ZFP30: variants seen among roughly 807,000 people sequenced by gnomAD.
ZFP30 encodes zinc finger protein 30 homolog.
Under a neutral mutation model 12.3 loss-of-function variants are expected in ZFP30, and 16 were observed. That is an observed-to-expected ratio of 1.30 (90% CI 0.88 to 1.98). The LOEUF (loss-of-function observed/expected upper bound fraction) is 1.98. ZFP30 is among the 30% of genes most tolerant of loss of function. ZFP30 has a pLI of 0.00. For synonymous variants in ZFP30, 172 were observed against 201.0 expected (o/e 0.86, Z 1.22); for missense variants, 560 against 611.2 (o/e 0.92, Z 0.88).
In ZFP30 at chr19:37,632,108, A is replaced by G. The variant is rs10407568; in HGVS notation, c.*2873T>C. 1 of 150,792 alleles carries G rather than the reference A, an allele frequency of 6.6e-6. No homozygotes were observed. The highest frequency in any genetic ancestry group is 1.5e-5 in the Non-Finnish European group (1 of 67,650). 9.3% of individuals were successfully genotyped at this position (150,792 alleles called of 1,614,324 possible). On this transcript the variant is annotated 3_prime_UTR_variant, in exon 6 of 6. Coordinates refer to ENST00000684514, the MANE Select transcript of ZFP30 (RefSeq NM_001320669.3). ...CAGGAGAGTAGGATTTTTTTTTTTTAAAGTTAGATTCTAAATGTATTCTTT... is the reference window on the plus strand; with the variant it reads ...CAGGAGAGTAGGATTTTTTTTTTTTGAAGTTAGATTCTAAATGTATTCTTT...
chr19:37,646,961 T>A (rs1357923736), intron 3 of ZFP30, among the ~76,000 whole-genome samples: 1 of 152,112 alleles, frequency 6.6e-6, no homozygotes, highest in Non-Finnish European at 1.5e-5. Context: ...CCATATTGGG[T>A]TAAATAAAAG....
At chr19:37,644,161 G>T (rs1040758372) in intron 4 of ZFP30, among the ~76,000 whole-genome samples, 1 of 152,066 alleles carries the variant, frequency 6.6e-6, no homozygotes, top group East Asian at 1.9e-4. Context: ...AAAATATAAC[G>T]GTCACTGAAT....
At chr19:37,654,992 CCACT>C (rs2147300557) in intron 1 of ZFP30, 113 bp from the exon 2 acceptor site, 1 of 152,422 alleles carries the variant, frequency 6.6e-6, no homozygotes, top group East Asian at 1.9e-4. Context: ...CCGGGACCAC[CCACT>C]GTGTCTTTTC....
chr19:37,632,969 G>C lies in ZFP30; in HGVS notation c.*2012C>G, dbSNP rs1271651966. 1 of 152,170 alleles carries C rather than the reference G, an allele frequency of 6.6e-6. No homozygotes were observed. Among genetic ancestry groups the C allele is most frequent in the Non-Finnish European group, 1.5e-5 (1 of 68,088 alleles). The allele number at this position is 152,170 out of a possible 1,614,324, so 9.4% of individuals were successfully genotyped here. On this transcript the variant is annotated 3_prime_UTR_variant, in exon 6 of 6. Transcript: ENST00000684514. ...GGTGGATCACCTGAGGTCAGGAGTTGAGACCAGCTTGGCCAACATGGTGAA... is the reference window on the plus strand; with the variant it reads ...GGTGGATCACCTGAGGTCAGGAGTTCAGACCAGCTTGGCCAACATGGTGAA...
At chr19:37,638,931 A>C (rs1374366205) in intron 5 of ZFP30, among the ~76,000 whole-genome samples, 1 of 152,202 alleles carries the variant, frequency 6.6e-6, no homozygotes, top group Non-Finnish European at 1.5e-5. Flanking sequence ...ACAATTCACT[A>C]ATTATCTGTA....
upstream of ZFP30, chr19:37,656,233 C>CG (rs1212104465): frequency 1.3e-5 from 2 of 152,396 alleles, no homozygotes; most frequent in Non-Finnish European, 2.9e-5. Context: ...GAAGGCTGCG[C>CG]GGTGGTGCCT....
At chr19:37,636,390 A>C in intron 5 of ZFP30, 85 bp from the exon 6 acceptor site, 1 of 645,514 alleles carries the variant, frequency 1.5e-6, no homozygotes, top group Non-Finnish European at 2.1e-6. Flanking sequence ...TCGGTGACCA[A>C]AAAAAAAAAA....
Position 37,635,961 on chromosome 19 carries a change from CT to C in ZFP30, c.579del (p.Ala194ProfsTer98). 1.2e-6 allele frequency: 2 copies of C among 1,614,138 alleles called. No homozygotes were observed. The highest frequency in any genetic ancestry group is 1.7e-6 in the Non-Finnish European group (2 of 1,180,026). On this transcript the variant is annotated frameshift_variant, in exon 6 of 6. Transcript: ENST00000684514. LOFTEE classifies it low-confidence loss of function (END_TRUNC). ...CTGAGGTGGGCACACTGTCTAAAGG[CT>C]TTTCCACATTCTTTACATTCATAGG... is the stretch of plus-strand genomic sequence containing the variant. ...EKPYECKECGKAFRQCAHLSR... is the reference protein window; with the variant it reads ...EKPYECKECGXAFRQCAHLSR...
In ZFP30 at chr19:37,635,633, C is replaced by T. The variant is rs891193689; in HGVS notation, c.908G>A (p.Cys303Tyr). ...IAEKCYECKE[C>Y]GQAFLCSTGL... ...TGTACTACACAGAAAGGCCTGACCA[C>T]ATTCCTTACACTCATAGCACTTCTC... The change falls in exon 6 of 6, where the codon TGT (cysteine) becomes TAT (tyrosine). Residue 303 changes from cysteine (C) to tyrosine (Y), a missense_variant. Physicochemically the swap from Cys to Tyr is radical, Grantham distance 194. Transcript: ENST00000684514. 2.5e-6 allele frequency: 4 copies of T among 1,614,170 alleles called. No homozygotes were observed. Among genetic ancestry groups the T allele is most frequent in the Non-Finnish European group, 3.4e-6 (4 of 1,180,038 alleles).
intron 3 of ZFP30, among the ~76,000 whole-genome samples, chr19:37,647,192 C>T (rs2044559864): frequency 6.6e-6 from 1 of 151,980 alleles, no homozygotes; most frequent in Admixed American, 6.6e-5. Context: ...TCATTTCTGC[C>T]CCATCTCTGC....
intron 5 of ZFP30, among the ~76,000 whole-genome samples, chr19:37,638,390 T>C (rs1478444512): frequency 2.6e-5 from 4 of 152,250 alleles, no homozygotes; most frequent in Non-Finnish European, 5.9e-5. Flanking sequence ...GTTTATACTA[T>C]GGTAAAAGGC....
rs970488048 is a variant in ZFP30, at chr19:37,654,703, C to G, written c.-78+9G>C. 2.0e-5 allele frequency: 3 copies of G among 152,226 alleles called. No individual in the cohort carries two copies. Among genetic ancestry groups the G allele is most frequent in the South Asian group, 2.1e-4 (1 of 4,826 alleles). The allele number at this position is 152,226 out of a possible 1,614,324, so 9.4% of individuals were successfully genotyped here. On this transcript the variant is annotated intron_variant, in intron 2 of 5. Transcript: ENST00000684514. ...ATTTCACAGAAACAAAGCAGCAGCA[C>G]GAACTCACAGGGAACCGGCTTTTAG...
rs1252148979 is a variant in ZFP30 at position 37,632,357 on chromosome 19, CTT to C, written c.*2622_*2623del. ...ATATATGTAGTATAGCAACTTATAA[CTT>C]TAAAAATCCATAGCTGTCACTTTTA... On this transcript the variant is annotated 3_prime_UTR_variant, in exon 6 of 6. Transcript: ENST00000684514. 1 of 151,988 alleles carries C rather than the reference CTT, an allele frequency of 6.6e-6. No individual in the cohort carries two copies. The highest frequency in any genetic ancestry group is 1.5e-5 in the Non-Finnish European group (1 of 67,992). The allele number at this position is 151,988 out of a possible 1,614,324, so 9.4% of individuals were successfully genotyped here.
rs753406272 is a variant in ZFP30 at position 37,643,379 on chromosome 19, T to C, written c.137-16A>G. On this transcript the variant is annotated splice_polypyrimidine_tract_variant and intron_variant, in intron 4 of 5. Transcript: ENST00000684514. ...GAACATCCTGCTTAAAAATAAATAATAGAATATAATAAAGAATTTATTTAA... is the reference window on the plus strand; with the variant it reads ...GAACATCCTGCTTAAAAATAAATAACAGAATATAATAAAGAATTTATTTAA... 17 of 1,505,032 alleles carry C rather than the reference T, an allele frequency of 1.1e-5. No homozygotes were observed. Among genetic ancestry groups the C allele is most frequent in the African/African-American group, 1.4e-5 (1 of 70,264 alleles). 93.2% of individuals were successfully genotyped at this position (1,505,032 alleles called of 1,614,324 possible).
Position 37,631,555 on chromosome 19 carries a change from G to T in ZFP30, c.*3426C>A, listed in dbSNP as rs548506492. On this transcript the variant is annotated 3_prime_UTR_variant, in exon 6 of 6. Transcript: ENST00000684514. ...AATGGATGACCACGGTGAAATCACC[G>T]AAGTCCAACTGATGCAATCATTTAT... The T allele has an allele frequency of 2.0e-5, 3 of 151,766 alleles. No homozygotes were observed. The highest frequency in any genetic ancestry group is 4.4e-5 in the Non-Finnish European group (3 of 67,996). 9.4% of individuals were successfully genotyped at this position (151,766 alleles called of 1,614,324 possible).
At chr19:37,650,120 T>C (rs1327591573) in intron 2 of ZFP30, among the ~76,000 whole-genome samples, 1 of 151,870 alleles carries the variant, frequency 6.6e-6, no homozygotes, top group Non-Finnish European at 1.5e-5. Flanking sequence ...CCTGGAATCT[T>C]TACATTTTTT....
In ZFP30 at chr19:37,647,903, C is replaced by T; in HGVS notation, c.-77-4G>A. ...GCAGGGTCCACAGACACCAGAGCTG[C>T]AGAAAGAACATGTAAAATCATGAGA... is the stretch of plus-strand genomic sequence containing the variant. On this transcript the variant is annotated splice_polypyrimidine_tract_variant and splice_region_variant and intron_variant, in intron 2 of 5. Transcript: ENST00000684514. 1 of 1,504,364 alleles carries T rather than the reference C, an allele frequency of 6.6e-7. No individual in the cohort carries two copies. Among genetic ancestry groups the T allele is most frequent in the Non-Finnish European group, 9.2e-7 (1 of 1,085,740 alleles). The allele number at this position is 1,504,364 out of a possible 1,614,324, so 93.2% of individuals were successfully genotyped here.
At position 37,635,210 on chromosome 19, in the gene ZFP30, T is replaced by C. The variant is rs983199714; in HGVS notation, c.1331A>G (p.Glu444Gly). The C allele has an allele frequency of 6.2e-7, 1 of 1,613,602 alleles. No individual in the cohort carries two copies. Among genetic ancestry groups the C allele is most frequent in the Non-Finnish European group, 8.5e-7 (1 of 1,179,740 alleles). Residue 444 changes from glutamate (E) to glycine (G), a missense_variant, in exon 6 of 6, where the codon GAG becomes GGG. Transcript: ENST00000684514. ...TTGTGAAAGCAGTCTAAAAGTCTTC[T>C]CACATTCCTTACACTTAAAGGGTTT... ...GEKPFKCKEC[E>G]KTFRLLSQLT...
At chr19:37,652,319 C>A (rs960543021) in intron 2 of ZFP30, among the ~76,000 whole-genome samples, 4 of 152,218 alleles carry the variant, frequency 2.6e-5, no homozygotes, top group Middle Eastern at 3.2e-3. Flanking sequence ...GTAATCCCAG[C>A]ACTTTGGGAG....
Sources: allele counts gnomAD v4.1 joint callset (sites outside exome capture counted in the v4.1 genomes callset), GRCh38; gene constraint gnomAD v4.1.1; transcripts MANE v1.5; gene names NCBI Gene and HGNC (gene_info 2026-07-23, HGNC 2026-07-21).